The following CTIF variants were observed in gnomAD, a reference collection of about 807,000 sequenced individuals.
CTIF encodes the protein cap binding complex dependent translation initiation factor, also known as CBP80/20-dependent translation initiation factor.
In CTIF, 21 loss-of-function variants were observed where a neutral mutation model predicts 66.0. That is an observed-to-expected ratio of 0.32 (90% CI 0.23 to 0.46). CTIF has a LOEUF of 0.46. CTIF is among the 20% of genes least tolerant of loss of function. The pLI is 1.00. For missense variants in CTIF, 739 were observed against 812.7 expected (o/e 0.91, Z 1.10); for synonymous variants, 345 against 326.4 (o/e 1.06, Z -0.62).
chr18:48,604,985 C>A (rs772752485), intron 1 of CTIF, among the ~76,000 whole-genome samples: 29 of 152,108 alleles, frequency 1.9e-4, no homozygotes, highest in Non-Finnish European at 4.0e-4. Flanking sequence ...GAGTAATATT[C>A]CATTGCATGC....
intron 1 of CTIF, among the ~76,000 whole-genome samples, chr18:48,591,771 A>C (rs2089892010): frequency 6.6e-6 from 1 of 152,158 alleles, no homozygotes; most frequent in South Asian, 2.1e-4. Context: ...TCTTAGAGAC[A>C]GGGTCTCGCT....
intron 10 of CTIF, among the ~76,000 whole-genome samples, chr18:48,824,509 C>T (rs1161968924): frequency 1.3e-4 from 20 of 152,172 alleles, no homozygotes; most frequent in Non-Finnish European, 7.4e-5. Context: ...TCTGTGATCC[C>T]GTGGTGTTGT....
In CTIF at chr18:48,585,604, G is replaced by A. The variant is rs550739991; in HGVS notation, c.-28-33934G>A. On this transcript the variant is annotated intron_variant, in intron 1 of 11. Coordinates refer to ENST00000256413, the MANE Select transcript of CTIF (RefSeq NM_014772.3). ...TTCCCCTGGAGACTTGGCAGGTGGC[G>A]CATCCTCCAAAACTCTTTGAAGAAT... Among the ~76,000 whole-genome samples the A allele has an allele frequency of 3.5e-4, 54 of 152,270 alleles. 1 individual carries two copies. Among genetic ancestry groups the A allele is most frequent in the African/African-American group, 1.2e-3 (49 of 41,542 alleles).
At chr18:48,615,221 T>G (rs117190365) in intron 1 of CTIF, among the ~76,000 whole-genome samples, 2 of 152,200 alleles carry the variant, frequency 1.3e-5, no homozygotes, top group East Asian at 3.8e-4. Flanking sequence ...TTGTGTATAT[T>G]TGACCATAAT....
chr18:48,748,593 A>G (rs532811725), intron 7 of CTIF, among the ~76,000 whole-genome samples: 46 of 152,288 alleles, frequency 3.0e-4, no homozygotes, highest in Non-Finnish European at 6.3e-4. Context: ...CGTTTGATTG[A>G]TAAGATAACA....
chr18:48,855,091 C>A (rs1164125601), intron 10 of CTIF, among the ~76,000 whole-genome samples: 5 of 152,224 alleles, frequency 3.3e-5, no homozygotes, highest in African/African-American at 1.2e-4. Context: ...TGGCCTGGCG[C>A]AGGCGCTCGG....
At chr18:48,641,384 G>A (rs1289734816) in intron 3 of CTIF, among the ~76,000 whole-genome samples, 6 of 152,206 alleles carry the variant, frequency 3.9e-5, no homozygotes, top group East Asian at 1.9e-4. Flanking sequence ...TTGGCCCACC[G>A]TGTTGGCTGT....
chr18:48,630,833 G>T (rs890148189), intron 2 of CTIF, among the ~76,000 whole-genome samples: 2 of 151,936 alleles, frequency 1.3e-5, no homozygotes, highest in Admixed American at 1.3e-4. Context: ...CTGCAACCAC[G>T]CCTGGCTAAT....
intron 2 of CTIF, among the ~76,000 whole-genome samples, chr18:48,631,376 G>T (rs568883742): frequency 2.0e-5 from 3 of 151,914 alleles, no homozygotes; most frequent in African/African-American, 7.3e-5. Context: ...TGAGGCAGGA[G>T]AATTGCTTGA....
At chr18:48,765,587 G>A (rs1909444283) in intron 9 of CTIF, among the ~76,000 whole-genome samples, 1 of 152,266 alleles carries the variant, frequency 6.6e-6, no homozygotes, top group South Asian at 2.1e-4. Flanking sequence ...ACATTCTGCA[G>A]CAGAGGTCTG....
chr18:48,658,232 G>GTA (rs1005988233), intron 3 of CTIF, among the ~76,000 whole-genome samples: 4 of 151,980 alleles, frequency 2.6e-5, no homozygotes, highest in Admixed American at 2.6e-4. Flanking sequence ...GTGTGTGTGT[G>GTA]TATATGCCTG....
At chr18:48,788,605 G>A (rs1011743049) in intron 9 of CTIF, among the ~76,000 whole-genome samples, 1 of 152,186 alleles carries the variant, frequency 6.6e-6, no homozygotes, top group African/African-American at 2.4e-5. Context: ...GGCTCATGGA[G>A]CTGGAGGAGG....
intron 9 of CTIF, among the ~76,000 whole-genome samples, chr18:48,808,756 A>T (rs1268458555): frequency 6.6e-6 from 1 of 152,172 alleles, no homozygotes; most frequent in Admixed American, 6.5e-5. Flanking sequence ...CTCCATTCGG[A>T]TGTCAGCTCT....
At chr18:48,819,862 C>G (rs1365529595) in intron 10 of CTIF, among the ~76,000 whole-genome samples, 3 of 152,238 alleles carry the variant, frequency 2.0e-5, no homozygotes, top group Non-Finnish European at 4.4e-5. Flanking sequence ...CTGCTTTGAG[C>G]TTTGGCTTCC....
chr18:48,862,451 C>T lies in CTIF; in HGVS notation c.*2892C>T, dbSNP rs960889403. 3.3e-5 allele frequency: 5 copies of T among 152,590 alleles called. No individual in the cohort carries two copies. The highest frequency in any genetic ancestry group is 1.2e-4 in the African/African-American group (5 of 41,436). The allele number at this position is 152,590 out of a possible 1,614,324, so 9.5% of individuals were successfully genotyped here. ...GCTCCCCAAGGCCTGGTGGCTTTGC[C>T]GAAGCTCTGGGACCGCAGCCCCAGC... On this transcript the variant is annotated 3_prime_UTR_variant, in exon 12 of 12. Transcript: ENST00000256413.
chr18:48,794,205 T>C (rs1485089242), intron 9 of CTIF, among the ~76,000 whole-genome samples: 1 of 152,228 alleles, frequency 6.6e-6, no homozygotes, highest in Admixed American at 6.5e-5. Context: ...CCTAGAGATA[T>C]GCAGTCAATA....
intron 7 of CTIF, among the ~76,000 whole-genome samples, chr18:48,737,393 G>C (rs1017170700): frequency 6.6e-6 from 1 of 152,198 alleles, no homozygotes; most frequent in Non-Finnish European, 1.5e-5. Flanking sequence ...GTTCAGAAGA[G>C]GAAGAAACCA....
At chr18:48,849,661 C>T (rs1016001219) in intron 10 of CTIF, among the ~76,000 whole-genome samples, 4 of 147,254 alleles carry the variant, frequency 2.7e-5, no homozygotes, top group African/African-American at 1.0e-4. Flanking sequence ...TCTCAGCTCA[C>T]TGCAACCTCT....
intron 2 of CTIF, among the ~76,000 whole-genome samples, chr18:48,624,290 G>A (rs1297443902): frequency 6.6e-6 from 1 of 152,148 alleles, no homozygotes; most frequent in Admixed American, 6.5e-5. Context: ...TTCTAAAGGA[G>A]GGAAACTGAG....
Sources: gnomAD v4.1 joint callset for allele counts (sites outside exome capture counted in the v4.1 genomes callset) on GRCh38, gnomAD v4.1.1 for gene constraint, MANE v1.5 for transcripts, NCBI Gene and HGNC (gene_info 2026-07-23, HGNC 2026-07-21) for gene names.